WDHD1: variants seen among roughly 807,000 people sequenced by gnomAD.
The protein encoded by WDHD1 is WD repeat and HMG-box DNA-binding protein 1.
WDHD1 carries 111 observed loss-of-function variants against 135.4 expected under a neutral mutation model. The ratio of observed to expected loss-of-function variants is 0.82; its 90% CI spans 0.70 to 0.96. WDHD1 has a LOEUF of 0.96. Ranked by LOEUF, WDHD1 falls within the 40% of genes least tolerant of loss-of-function variation. The pLI is 0.00. For synonymous variants in WDHD1, 434 were observed against 439.0 expected, an observed-to-expected ratio of 0.99 and a Z score of 0.14; for missense variants, 1,351 against 1,336.3, an observed-to-expected ratio of 1.01 and a Z score of -0.17.
chr14:55,022,158 TC>T (rs1566747660), intron 2 of WDHD1, among the ~76,000 whole-genome samples: 1 of 152,152 alleles, frequency 6.6e-6, no homozygotes, highest in African/African-American at 2.4e-5. Context: ...TTAAAGGCAG[TC>T]CCTTACTAGC....
At chr14:54,953,690 C>A (rs2041101670) in intron 24 of WDHD1, among the ~76,000 whole-genome samples, 2 of 152,148 alleles carry the variant, frequency 1.3e-5, no homozygotes, top group African/African-American at 4.8e-5. Flanking sequence ...TATTGTGGCA[C>A]TATTCACAAT....
rs1381360500 is a variant in WDHD1 at position 54,957,629 on chromosome 14, A to G, written c.2708T>C (p.Val903Ala). 1 of 1,606,508 alleles carries G rather than the reference A, an allele frequency of 6.2e-7. No individual in the cohort carries two copies. The highest frequency in any genetic ancestry group is 8.5e-7 in the Non-Finnish European group (1 of 1,178,152). ...TACTCGTCCTTGGCTGCTAAAGGTA[A>G]CTGCACCTTTCACAAAAAAGAAACC... Reference protein sequence around the residue: ...SSDVSAKSGAVTFSSQGRVNP... With the variant: ...SSDVSAKSGAATFSSQGRVNP... Residue 903 changes from valine (V) to alanine (A), a missense_variant, in exon 22 of 26, where the codon GTT (valine) becomes GCT (alanine). This residue lies in a region of WDHD1 where 1,330 missense variants were observed against 1,296.1 expected (regional missense o/e 1.03). Coordinates refer to ENST00000360586, the MANE Select transcript of WDHD1 (RefSeq NM_007086.4).
At chr14:54,991,133 T>G in intron 12 of WDHD1, 80 bp downstream of exon 12, 1 of 748,382 alleles carries the variant, frequency 1.3e-6, no homozygotes, top group Non-Finnish European at 2.2e-6. Flanking sequence ...TAAAAATATG[T>G]TTTATCCAAA....
chr14:54,993,158 C>T (rs527976057), intron 11 of WDHD1, among the ~76,000 whole-genome samples: 39 of 152,166 alleles, frequency 2.6e-4, no homozygotes, highest in Admixed American at 5.2e-4. Flanking sequence ...CGTTCTGTTA[C>T]CCTGCCTGGA....
Position 55,027,011 on chromosome 14 carries a change from C to T in WDHD1, c.-17+17G>A. 9.2e-6 allele frequency: 5 copies of T among 541,646 alleles called. 1 individual carries two copies. The highest frequency in any genetic ancestry group is 8.4e-5 in the South Asian group (4 of 47,540). 33.6% of individuals were successfully genotyped at this position (541,646 alleles called of 1,614,324 possible). ...GCATCTCCTTGGTGGACGCGGGCAG[C>T]CGGAGTGGGGACTCACCCGGGTGAC... On this transcript the variant is annotated intron_variant, in intron 1 of 25. Transcript: ENST00000360586.
intron 2 of WDHD1, among the ~76,000 whole-genome samples, chr14:55,015,349 T>C (rs2042241666): frequency 7.9e-6 from 1 of 126,018 alleles, no homozygotes; most frequent in Non-Finnish European, 1.6e-5. Flanking sequence ...ATCGCACTAC[T>C]GTAGCCTGGG....
chr14:55,002,098 A>G lies in WDHD1; in HGVS notation c.688T>C (p.Ser230Pro). Residue 230 changes from serine to proline, a missense_variant, in exon 8 of 26, where the codon TCT becomes CCT. Physicochemically the swap from Ser to Pro is moderately conservative, Grantham distance 74 (BLOSUM62 -1). Coordinates refer to ENST00000360586, the MANE Select transcript of WDHD1 (RefSeq NM_007086.4). ...TGTCACTTTGTAAAACCTACCTGAG[A>G]GATGAAATTATCTGAAAGATCAAAT... ...HQFDLSDNFI[S>P]QTLNIVTWSP... 1 of 1,603,480 alleles carries G rather than the reference A, an allele frequency of 6.2e-7. No homozygotes were observed. The highest frequency in any genetic ancestry group is 1.1e-5 in the South Asian group (1 of 89,310).
intron 25 of WDHD1, among the ~76,000 whole-genome samples, chr14:54,943,246 A>T (rs1411286426): frequency 6.6e-6 from 1 of 152,168 alleles, no homozygotes; most frequent in Non-Finnish European, 1.5e-5. Context: ...CCTAATTTCC[A>T]TGTGAAAGGC....
intron 21 of WDHD1, among the ~76,000 whole-genome samples, chr14:54,961,341 A>T (rs959070147): frequency 2.6e-4 from 40 of 152,008 alleles, no homozygotes; most frequent in Non-Finnish European, 4.3e-4. Context: ...AAAATAAAAT[A>T]AAAAAAAGAC....
chr14:54,987,471 C>T, intron 13 of WDHD1, 84 bp from the exon 14 acceptor site: 1 of 1,235,828 alleles, frequency 8.1e-7, no homozygotes, highest in African/African-American at 1.6e-5. Flanking sequence ...TGATATTCAA[C>T]AAAAAAACCA....
chr14:54,993,170 C>T lies in WDHD1; in HGVS notation c.1154-1770G>A, dbSNP rs184031552. ...TCTCGTTCTGTTACCCTGCCTGGAG[C>T]CCACTGTTGCAATCATGGCTCACTG... is the stretch of plus-strand genomic sequence containing the variant. On this transcript the variant is annotated intron_variant, in intron 11 of 25. Coordinates refer to ENST00000360586, the MANE Select transcript of WDHD1 (RefSeq NM_007086.4). Among the ~76,000 whole-genome samples the T allele has an allele frequency of 2.0e-5, 3 of 152,184 alleles. No homozygotes were observed. The East Asian group carries it at 5.8e-4, about 29-fold the overall frequency.
chr14:55,014,193 A>C (rs768448600), intron 2 of WDHD1, among the ~76,000 whole-genome samples: 1 of 152,210 alleles, frequency 6.6e-6, no homozygotes, highest in Non-Finnish European at 1.5e-5. Flanking sequence ...TCCCAGGCTC[A>C]AGTGATCAAA....
intron 16 of WDHD1, among the ~76,000 whole-genome samples, chr14:54,974,159 T>C (rs1020093780): frequency 6.6e-6 from 1 of 151,424 alleles, no homozygotes; most frequent in African/African-American, 2.4e-5. Context: ...CAGTGGCTCA[T>C]GCCTGTAATC....
chr14:55,023,965 A>C (rs2042391120), intron 2 of WDHD1, among the ~76,000 whole-genome samples: 2 of 152,230 alleles, frequency 1.3e-5, no homozygotes, highest in Non-Finnish European at 2.9e-5. Flanking sequence ...ATTTTATGGT[A>C]GTAAATGATA....
chr14:54,941,325 T>A lies in WDHD1; in HGVS notation c.*165A>T. The A allele has an allele frequency of 1.9e-6, 1 of 533,540 alleles. No individual in the cohort carries two copies. The highest frequency in any genetic ancestry group is 3.2e-5 in the East Asian group (1 of 31,462). 33.1% of individuals were successfully genotyped at this position (533,540 alleles called of 1,614,324 possible). ...GCAAAGATGATAGTTTTTACATATG[T>A]CCTGTTACCTACACCAATATAATTA... On this transcript the variant is annotated 3_prime_UTR_variant, in exon 26 of 26. Coordinates refer to ENST00000360586, the MANE Select transcript of WDHD1 (RefSeq NM_007086.4).
At chr14:54,944,692 T>C (rs1199502822) in intron 24 of WDHD1, 1 of 277,598 alleles carries the variant, frequency 3.6e-6, no homozygotes, top group East Asian at 9.3e-5. Context: ...CGATCTCAGC[T>C]CACTGCAACC....
Position 55,008,345 on chromosome 14 carries a change from A to C in WDHD1, c.475T>G (p.Ser159Ala), listed in dbSNP as rs755237866. 8.7e-6 allele frequency: 14 copies of C among 1,613,648 alleles called. No homozygotes were observed. The highest frequency in any genetic ancestry group is 1.1e-5 in the Non-Finnish European group (13 of 1,179,790). ...IFLASASCDG[S>A]VRVWQISDQT... is the part of the protein sequence containing the mutation. ...TCTGAAATTTGCCACACTCTGACAGATCCATCACAACTAGCTGATGCCTGC... is the reference window on the plus strand; with the variant it reads ...TCTGAAATTTGCCACACTCTGACAGCTCCATCACAACTAGCTGATGCCTGC... The change falls in exon 6 of 26, where the codon TCT (serine) becomes GCT (alanine). Residue 159 changes from serine to alanine, a missense_variant. By Grantham distance (99) the Ser-to-Ala change is moderately conservative (BLOSUM62 1). Transcript: ENST00000360586.
At chr14:54,986,956 A>G (rs1011706860) in intron 14 of WDHD1, among the ~76,000 whole-genome samples, 190 bp downstream of exon 14, 6 of 152,210 alleles carry the variant, frequency 3.9e-5, no homozygotes, top group Non-Finnish European at 8.8e-5. Context: ...TCTCTCTATA[A>G]TATAGTTCTA....
intron 17 of WDHD1, 91 bp from the exon 18 acceptor site, chr14:54,966,697 T>C (rs1056477514): frequency 3.2e-5 from 42 of 1,318,474 alleles, no homozygotes; most frequent in Non-Finnish European, 4.1e-5. Context: ...AGTTTTTGAA[T>C]AAAATATGTT....
Sources: gnomAD v4.1 joint callset for allele counts (sites outside exome capture counted in the v4.1 genomes callset) on GRCh38, gnomAD v4.1.1 for gene constraint, gnomAD v4.1.1 regional missense constraint, MANE v1.5 for transcripts, NCBI Gene and HGNC (gene_info 2026-07-23, HGNC 2026-07-21) for gene names.